The following C12orf42 variants were observed in gnomAD, a reference collection of about 807,000 sequenced individuals.
The protein encoded by C12orf42 is chromosome 12 open reading frame 42, also known as uncharacterized protein C12orf42.
In C12orf42, 25 loss-of-function variants were observed where a neutral mutation model predicts 21.6. That is an observed-to-expected ratio of 1.16 (90% confidence interval 0.84 to 1.62). C12orf42 has a LOEUF of 1.62. Ranked by LOEUF, C12orf42 falls within the 40% of genes most tolerant of loss-of-function variation. The pLI is 0.00. For synonymous variants in C12orf42, 174 were observed against 175.0 expected, an observed-to-expected ratio of 0.99 and a Z score of 0.05; for missense variants, 483 against 459.3, an observed-to-expected ratio of 1.05 and a Z score of -0.47.
At chr12:103,222,763 C>G in the C12orf42 span, among the ~76,000 whole-genome samples, 1 of 151,878 alleles carries the variant, frequency 6.6e-6, no homozygotes, top group African/African-American at 2.4e-5. Flanking sequence ...AGAGCAATTT[C>G]TCCTATCTCT....
the C12orf42 span, among the ~76,000 whole-genome samples, chr12:103,220,119 A>G: frequency 2.6e-5 from 4 of 152,342 alleles, no homozygotes; most frequent in South Asian, 6.2e-4. Flanking sequence ...AGGGACATGG[A>G]TGAAACTGGA....
chr12:103,420,086 CAG>C, intron 2 of C12orf42, among the ~76,000 whole-genome samples: 1 of 152,104 alleles, frequency 6.6e-6, no homozygotes, highest in South Asian at 2.1e-4. Flanking sequence ...GGAAATGTTA[CAG>C]AGGGGAAAAG....
intron 10 of C12orf42, among the ~76,000 whole-genome samples, chr12:103,259,530 C>T (rs927806629): frequency 1.3e-5 from 2 of 152,200 alleles, no homozygotes; most frequent in Non-Finnish European, 2.9e-5. Flanking sequence ...CCACCTGCCT[C>T]GGCCTCCCAA....
the C12orf42 span, among the ~76,000 whole-genome samples, chr12:103,068,973 AT>A: frequency 2.9e-5 from 3 of 104,820 alleles, no homozygotes; most frequent in African/African-American, 8.3e-5. Flanking sequence ...ATATATATAT[AT>A]ATATATATAT....
chr12:103,317,277 A>G (rs923097047), intron 4 of C12orf42, among the ~76,000 whole-genome samples: 3 of 152,154 alleles, frequency 2.0e-5, no homozygotes, highest in Non-Finnish European at 4.4e-5. Flanking sequence ...CTTTCTCCCA[A>G]TATCACTCAA....
chr12:103,110,920 G>A, the C12orf42 span, among the ~76,000 whole-genome samples: 21,710 of 151,996 alleles, frequency 0.14, 1,677 homozygotes, highest in East Asian at 0.26. Context: ...ACACCAAATG[G>A]GTACTTGGTA....
At chr12:103,314,356 C>A (rs565431435) in intron 4 of C12orf42, among the ~76,000 whole-genome samples, 1 of 152,272 alleles carries the variant, frequency 6.6e-6, no homozygotes, top group South Asian at 2.1e-4. Flanking sequence ...GTGATGGCAA[C>A]TTTGATGTGC....
intron 3 of C12orf42, 22 bp from the exon 4 acceptor site, chr12:103,369,020 T>C: frequency 2.9e-6 from 4 of 1,394,042 alleles, no homozygotes; most frequent in Non-Finnish European, 4.0e-6. Flanking sequence ...AGGAGAAAAA[T>C]ACACACAAAA....
At chr12:103,233,340 G>A (rs1201370832), downstream of C12orf42, among the ~76,000 whole-genome samples, 3 of 152,136 alleles carry the variant, frequency 2.0e-5, no homozygotes, top group African/African-American at 7.2e-5. Context: ...TTTAAAATAA[G>A]TTTGCCAATA....
chr12:103,515,257 A>G, the C12orf42 span, among the ~76,000 whole-genome samples: 1 of 152,236 alleles, frequency 6.6e-6, no homozygotes, highest in Non-Finnish European at 1.5e-5. Flanking sequence ...AAAGGCAAAA[A>G]ATATTGTTGC....
At chr12:103,463,112 A>G (rs1222615038) in intron 2 of C12orf42, among the ~76,000 whole-genome samples, 4 of 152,234 alleles carry the variant, frequency 2.6e-5, no homozygotes, top group African/African-American at 7.2e-5. Flanking sequence ...CAAAGTATAT[A>G]CATAAAAGCT....
chr12:103,110,252 G>A, the C12orf42 span, among the ~76,000 whole-genome samples: 1 of 152,158 alleles, frequency 6.6e-6, no homozygotes, highest in African/African-American at 2.4e-5. Flanking sequence ...TCAACATGGT[G>A]AAACTAGAAA....
chr12:103,440,011 A>C (rs1367583503), intron 2 of C12orf42, among the ~76,000 whole-genome samples: 2 of 149,292 alleles, frequency 1.3e-5, no homozygotes, highest in African/African-American at 5.0e-5. Flanking sequence ...ACCAACCCAA[A>C]TGTCCAATAA....
intron 4 of C12orf42, among the ~76,000 whole-genome samples, chr12:103,332,679 G>T (rs939629): frequency 0.011 from 1,659 of 152,334 alleles, 17 homozygotes; most frequent in Non-Finnish European, 0.017. Flanking sequence ...CTACGTACTG[G>T]GTAGAATTGT....
chr12:103,485,295 T>C (rs772165050), intron 1 of C12orf42, among the ~76,000 whole-genome samples: 2 of 152,186 alleles, frequency 1.3e-5, no homozygotes, highest in South Asian at 2.1e-4. Context: ...TGTGTGCTGT[T>C]ATTTCTGAGG....
the C12orf42 span, among the ~76,000 whole-genome samples, chr12:103,130,576 T>A: frequency 5.9e-5 from 9 of 152,090 alleles, no homozygotes; most frequent in Non-Finnish European, 1.3e-4. Context: ...AGTGTGCAGG[T>A]CATTCATTAG....
chr12:103,373,855 C>T (rs1460786509), intron 3 of C12orf42, among the ~76,000 whole-genome samples: 1 of 152,180 alleles, frequency 6.6e-6, no homozygotes, highest in Admixed American at 6.5e-5. Flanking sequence ...AGAATAGCCA[C>T]TAGGTATACA....
the C12orf42 span, among the ~76,000 whole-genome samples, chr12:103,154,025 C>CA: frequency 7.3e-3 from 379 of 51,596 alleles, 21 homozygotes; most frequent in East Asian, 0.012. Flanking sequence ...CAAATCTCAG[C>CA]AAAAAAAAAA....
chr12:103,183,923 T>C, the C12orf42 span, among the ~76,000 whole-genome samples: 48 of 152,340 alleles, frequency 3.2e-4, no homozygotes, highest in African/African-American at 1.1e-3. Context: ...ATGGTTATAG[T>C]ATATACTCTA....
Sources: allele counts gnomAD v4.1 joint callset (sites outside exome capture counted in the v4.1 genomes callset), GRCh38; gene constraint gnomAD v4.1.1; transcripts MANE v1.5; gene names NCBI Gene and HGNC (gene_info 2026-07-23, HGNC 2026-07-21).